NBEAL1: variants seen among roughly 807,000 people sequenced by gnomAD.
NBEAL1 encodes the protein neurobeachin-like protein 1.
Under a neutral mutation model 351.3 loss-of-function variants are expected in NBEAL1, and 273 were observed. That is an observed-to-expected ratio of 0.78 (90% CI 0.70 to 0.86). NBEAL1 has a LOEUF of 0.86. Among genes scored for constraint, NBEAL1 ranks in the 40% least tolerant of loss-of-function variants. The pLI is 0.00. For missense variants in NBEAL1, 2,961 were observed against 3,201.3 expected (o/e 0.92, Z 1.81); for synonymous variants, 1,050 against 1,086.4 (o/e 0.97, Z 0.66).
intron 33 of NBEAL1, among the ~76,000 whole-genome samples, chr2:203,145,573 G>T (rs1319105279): frequency 2.6e-5 from 4 of 152,120 alleles, no homozygotes; most frequent in Non-Finnish European, 5.9e-5. Context: ...CGAGGTGGAT[G>T]GATCACCTGA....
Position 203,172,042 on chromosome 2 carries a change from T to G in NBEAL1, c.6198+19T>G. 6.9e-7 allele frequency: 1 copy of G among 1,455,680 alleles called. No individual in the cohort carries two copies. 90.2% of individuals were successfully genotyped at this position (1,455,680 alleles called of 1,614,324 possible). Reference sequence around the variant, plus strand: ...TCCTGTGGTAAGTTTTGCATAAACCTTATAAATGTGGAATTGCCCTACAGT... The same window carrying G: ...TCCTGTGGTAAGTTTTGCATAAACCGTATAAATGTGGAATTGCCCTACAGT... On this transcript the variant is annotated intron_variant, in intron 40 of 55. Transcript: ENST00000683969.
intron 2 of NBEAL1, among the ~76,000 whole-genome samples, chr2:203,026,994 C>T (rs983654027): frequency 6.6e-6 from 1 of 152,138 alleles, no homozygotes; most frequent in Non-Finnish European, 1.5e-5. Flanking sequence ...TTGACAAAAA[C>T]CCTTGATTTC....
At chr2:203,140,237 A>G (rs1163582100) in intron 31 of NBEAL1, among the ~76,000 whole-genome samples, 1 of 151,440 alleles carries the variant, frequency 6.6e-6, no homozygotes, top group African/African-American at 2.4e-5. Context: ...CGGGAGACAG[A>G]GGTTGTGGTG....
At chr2:203,127,066 T>A in intron 23 of NBEAL1, 140 bp downstream of exon 23, 1 of 591,592 alleles carries the variant, frequency 1.7e-6, no homozygotes, top group Non-Finnish European at 2.9e-6. Context: ...CAGTGGAGGT[T>A]AAAATGATGA....
intron 8 of NBEAL1, among the ~76,000 whole-genome samples, chr2:203,078,834 AG>A (rs2061823591): frequency 6.6e-6 from 1 of 152,206 alleles, no homozygotes; most frequent in Admixed American, 6.5e-5. Flanking sequence ...CCTGAAATAA[AG>A]GAAACCAATT....
chr2:203,055,855 A>G (rs542483342), intron 4 of NBEAL1, among the ~76,000 whole-genome samples: 14 of 152,342 alleles, frequency 9.2e-5, no homozygotes, highest in African/African-American at 3.4e-4. Flanking sequence ...TTATGAACCC[A>G]CTGCTTTAAA....
intron 34 of NBEAL1, among the ~76,000 whole-genome samples, chr2:203,150,975 A>G (rs1473764410): frequency 2.6e-5 from 4 of 152,134 alleles, no homozygotes; most frequent in Admixed American, 6.6e-5. Context: ...ACGCATACTC[A>G]CTTTGGTTCT....
At chr2:203,188,207 A>G (rs2064967269) in intron 44 of NBEAL1, among the ~76,000 whole-genome samples, 1 of 152,114 alleles carries the variant, frequency 6.6e-6, no homozygotes. Context: ...GGGCTGTTAT[A>G]AGCATATTTG....
chr2:203,049,144 C>T (rs576585321), intron 3 of NBEAL1, among the ~76,000 whole-genome samples: 111 of 151,822 alleles, frequency 7.3e-4, no homozygotes, highest in African/African-American at 2.6e-3. Flanking sequence ...GTAGCTGGGA[C>T]GAATTTATAA....
chr2:203,043,531 A>G (rs185576680), intron 3 of NBEAL1, among the ~76,000 whole-genome samples: 15 of 152,162 alleles, frequency 9.9e-5, no homozygotes, highest in Admixed American at 2.6e-4. Context: ...ACTTGAGCCT[A>G]GGAGTTTGAG....
chr2:203,177,373 TA>T lies in NBEAL1; in HGVS notation c.6464+2101del, dbSNP rs35540453. ...AACATAGTGAGACGCCCATCTCTAT[TA>T]AAAAAAAAAAAAAAGAGGAAGGGGG... On this transcript the variant is annotated intron_variant, in intron 42 of 55. Transcript: ENST00000683969. Among the ~76,000 whole-genome samples, 725 of 135,414 alleles carry T rather than the reference TA, an allele frequency of 5.4e-3. 3 individuals are homozygous for T. The highest frequency in any genetic ancestry group is 5.9e-3 in the Non-Finnish European group (371 of 62,818). The allele number at this position is 135,414 out of a possible 152,430, so 88.8% of individuals were successfully genotyped here.
Position 203,136,165 on chromosome 2 carries a change from A to G in NBEAL1, c.4302A>G (p.Lys1434=), listed in dbSNP as rs2063201839. 6.2e-7 allele frequency: 1 copy of G among 1,613,870 alleles called. No individual in the cohort carries two copies. The highest frequency in any genetic ancestry group is 1.3e-5 in the African/African-American group (1 of 74,930). The stretch of plus-strand genomic sequence containing the variant: ...CACCATCCCCAGTAGAGTCTACTAA[A>G]TCGTTTTCTGTGCACTCTGACAGAG... ...PSTPSPVEST[K]SFSVHSDRES... is the part of the protein sequence containing the mutation. Residue 1434 remains lysine, a synonymous_variant, in exon 28 of 56, where the codon AAA becomes AAG. Transcript: ENST00000683969.
At chr2:203,051,180 T>G (rs2061317823) in intron 4 of NBEAL1, among the ~76,000 whole-genome samples, 1 of 152,168 alleles carries the variant, frequency 6.6e-6, no homozygotes, top group South Asian at 2.1e-4. Flanking sequence ...CCCAGAGCCT[T>G]AGACATGTTT....
Position 203,064,045 on chromosome 2 carries a change from T to C in NBEAL1, c.516-4348T>C, listed in dbSNP as rs529080235. 1.2e-4 allele frequency among the ~76,000 whole-genome samples: 18 copies of C among 152,144 alleles called. No individual in the cohort carries two copies. The East Asian group carries it at 3.5e-3, about 29-fold the overall frequency. ...TTTAGTTGGGAGCATGATGTGTGTA[T>C]GGTTTTTTTGTTTGTTTGTTTGTTT... On this transcript the variant is annotated intron_variant, in intron 6 of 55. Transcript: ENST00000683969.
chr2:203,193,034 C>T (rs1235478866), intron 46 of NBEAL1, among the ~76,000 whole-genome samples: 1 of 138,404 alleles, frequency 7.2e-6, no homozygotes, highest in Admixed American at 7.9e-5. Context: ...TGCAGTGGCA[C>T]GATCTTGGCT....
intron 2 of NBEAL1, among the ~76,000 whole-genome samples, chr2:203,020,670 CAAAA>C (rs201438851): frequency 5.1e-5 from 3 of 58,972 alleles, no homozygotes; most frequent in African/African-American, 6.4e-5. Flanking sequence ...GACTCTGTCT[CAAAA>C]AAAAAAAAAA....
At chr2:203,044,150 G>A (rs1426347006) in intron 3 of NBEAL1, among the ~76,000 whole-genome samples, 3 of 152,128 alleles carry the variant, frequency 2.0e-5, no homozygotes, top group Non-Finnish European at 2.9e-5. Flanking sequence ...CTGAACTCAA[G>A]TAAGGATGTG....
chr2:203,065,694 G>T (rs190452013), intron 6 of NBEAL1, among the ~76,000 whole-genome samples: 2 of 152,196 alleles, frequency 1.3e-5, no homozygotes, highest in East Asian at 3.9e-4. Context: ...GGAGCTTGCA[G>T]TGAGCCGAGA....
chr2:203,088,009 G>C (rs1328869091), intron 10 of NBEAL1, among the ~76,000 whole-genome samples: 1 of 152,142 alleles, frequency 6.6e-6, no homozygotes, highest in Non-Finnish European at 1.5e-5. Flanking sequence ...TTGCTTGGCT[G>C]CACAACTCTC....
Sources: gnomAD v4.1 joint callset for allele counts (sites outside exome capture counted in the v4.1 genomes callset) on GRCh38, gnomAD v4.1.1 for gene constraint, MANE v1.5 for transcripts, NCBI Gene and HGNC (gene_info 2026-07-23, HGNC 2026-07-21) for gene names.